Variants in MCPH1 observed in about 807,000 individuals in gnomAD.
MCPH1 encodes the protein microcephalin.
MCPH1 carries 104 observed loss-of-function variants against 84.5 expected under a neutral mutation model. That is an observed-to-expected ratio of 1.23 (90% confidence interval 1.05 to 1.45). The LOEUF is 1.45. Among genes scored for constraint, MCPH1 ranks in the 40% most tolerant of loss-of-function variants. The pLI is 0.00. For synonymous variants in MCPH1, 514 were observed against 366.8 expected, an observed-to-expected ratio of 1.40 and a Z score of -4.58; for missense variants, 1,498 against 1,005.7, an observed-to-expected ratio of 1.49 and a Z score of -6.62.
At chr8:6,475,976 T>A (rs1347499829) in intron 9 of MCPH1, among the ~76,000 whole-genome samples, 1 of 152,094 alleles carries the variant, frequency 6.6e-6, no homozygotes, top group East Asian at 1.9e-4. Flanking sequence ...AGGTGGAAGC[T>A]GTCGAGGGAA....
intron 12 of MCPH1, chr8:6,508,110 A>G (rs1814151275): frequency 6.6e-6 from 1 of 152,184 alleles, no homozygotes; most frequent in Non-Finnish European, 1.5e-5. Context: ...GGATTAACTC[A>G]TTTGTGTTTA....
chr8:6,504,662 A>G (rs1439632279), intron 12 of MCPH1, among the ~76,000 whole-genome samples: 1 of 152,186 alleles, frequency 6.6e-6, no homozygotes, highest in African/African-American at 2.4e-5. Flanking sequence ...TGACTTAATA[A>G]GGAGAGAAAA....
chr8:6,553,252 T>A (rs115798742), intron 12 of MCPH1, among the ~76,000 whole-genome samples: 1,943 of 152,268 alleles, frequency 0.013, 43 homozygotes, highest in African/African-American at 0.045. Flanking sequence ...GCTGTGAACC[T>A]AAAACTGCTC....
intron 3 of MCPH1, among the ~76,000 whole-genome samples, chr8:6,427,854 G>A (rs904583289): frequency 3.3e-5 from 5 of 150,950 alleles, no homozygotes; most frequent in African/African-American, 9.8e-5. Flanking sequence ...GTGCAGTGGC[G>A]TGATCTCGGC....
chr8:6,577,694 G>T (rs554794207), intron 12 of MCPH1, among the ~76,000 whole-genome samples: 2 of 152,308 alleles, frequency 1.3e-5, no homozygotes, highest in South Asian at 4.1e-4. Flanking sequence ...TTAGTAGATG[G>T]CTAAGCACTA....
At chr8:6,453,492 G>A (rs527658889) in intron 8 of MCPH1, among the ~76,000 whole-genome samples, 8 of 150,020 alleles carry the variant, frequency 5.3e-5, no homozygotes, top group South Asian at 4.2e-4. Flanking sequence ...AGCCTGTTTC[G>A]TTGTTCGGCA....
intron 11 of MCPH1, among the ~76,000 whole-genome samples, chr8:6,497,563 G>A (rs1811383279): frequency 1.3e-5 from 2 of 152,112 alleles, no homozygotes; most frequent in Admixed American, 6.6e-5. Context: ...ACCAGCACCA[G>A]TACTCCATCA....
At chr8:6,475,009 G>T (rs528244967) in intron 9 of MCPH1, among the ~76,000 whole-genome samples, 3 of 152,290 alleles carry the variant, frequency 2.0e-5, no homozygotes, top group African/African-American at 7.2e-5. Context: ...GCTGTTGAAA[G>T]TATTATTGGA....
Position 6,548,301 on chromosome 8 carries a change from A to G in MCPH1, c.2214+48372A>G, listed in dbSNP as rs534020868. ...GTGTGTGTAGACCTGACAGGACTCT[A>G]CTCGTGCGTCACTTCCCAGCTGTTG... On this transcript the variant is annotated intron_variant, in intron 12 of 13. Coordinates refer to ENST00000344683, the MANE Select transcript of MCPH1 (RefSeq NM_024596.5). 9.2e-5 allele frequency among the ~76,000 whole-genome samples: 14 copies of G among 151,896 alleles called. No individual in the cohort carries two copies. In the South Asian group the frequency reaches 2.7e-3, roughly 29 times the overall value.
chr8:6,453,464 G>A (rs192521434), intron 8 of MCPH1, among the ~76,000 whole-genome samples: 1 of 148,984 alleles, frequency 6.7e-6, no homozygotes, highest in East Asian at 2.0e-4. Flanking sequence ...AGAACTTTAT[G>A]TTTATAAAAT....
intron 13 of MCPH1, among the ~76,000 whole-genome samples, chr8:6,632,682 G>T (rs1329970852): frequency 6.6e-6 from 1 of 152,114 alleles, no homozygotes; most frequent in African/African-American, 2.4e-5. Context: ...GGTGGCACGT[G>T]CCTGTAGTCC....
At chr8:6,473,816 G>A (rs909785882) in intron 9 of MCPH1, 3 of 1,231,682 alleles carry the variant, frequency 2.4e-6, no homozygotes, top group Non-Finnish European at 2.2e-6. Flanking sequence ...CAGCAAGAGT[G>A]ATTGTAAAGT....
intron 12 of MCPH1, among the ~76,000 whole-genome samples, chr8:6,592,039 T>C (rs1828497731): frequency 6.6e-6 from 1 of 152,204 alleles, no homozygotes; most frequent in Non-Finnish European, 1.5e-5. Context: ...TCATCACTAA[T>C]CTCTTTTTTC....
At chr8:6,514,567 A>G (rs1815859550) in intron 12 of MCPH1, 1 of 937,338 alleles carries the variant, frequency 1.1e-6, no homozygotes, top group Non-Finnish European at 1.7e-6. Context: ...TTTAAAAACC[A>G]TGTCAAAAGT....
intron 12 of MCPH1, among the ~76,000 whole-genome samples, chr8:6,533,470 AG>A (rs1443645677): frequency 2.6e-5 from 4 of 151,034 alleles, no homozygotes; most frequent in East Asian, 2.0e-4. Context: ...TATGTAAAAT[AG>A]GGTTTCTGGT....
intron 12 of MCPH1, among the ~76,000 whole-genome samples, chr8:6,533,187 G>T (rs781039006): frequency 4.6e-5 from 7 of 152,188 alleles, no homozygotes; most frequent in Non-Finnish European, 8.8e-5. Context: ...CGTGCCATGG[G>T]CTGGTTCTTC....
chr8:6,565,066 G>A (rs940808952), intron 12 of MCPH1, among the ~76,000 whole-genome samples: 1 of 152,168 alleles, frequency 6.6e-6, no homozygotes, highest in Non-Finnish European at 1.5e-5. Context: ...ACAGTGCACC[G>A]TCGAAGAAAG....
intron 8 of MCPH1, among the ~76,000 whole-genome samples, chr8:6,452,062 G>A (rs1259665202): frequency 1.3e-5 from 2 of 152,152 alleles, no homozygotes; most frequent in African/African-American, 4.8e-5. Flanking sequence ...TTTGACACAA[G>A]CCAAGTTTCT....
intron 2 of MCPH1, among the ~76,000 whole-genome samples, chr8:6,414,000 G>T (rs1193792220): frequency 6.6e-6 from 1 of 152,102 alleles, no homozygotes; most frequent in Admixed American, 6.6e-5. Context: ...TGATCCACCT[G>T]CCTCGGCCTC....
Sources: allele counts gnomAD v4.1 joint callset (sites outside exome capture counted in the v4.1 genomes callset), GRCh38; gene constraint gnomAD v4.1.1; transcripts MANE v1.5; gene names NCBI Gene and HGNC (gene_info 2026-07-23, HGNC 2026-07-21).